The following PLEKHG4B variants were observed in gnomAD, a reference collection of about 807,000 sequenced individuals.
The protein encoded by PLEKHG4B is pleckstrin homology domain-containing family G member 4B.
PLEKHG4B carries 111 observed loss-of-function variants against 121.3 expected under a neutral mutation model. That is an observed-to-expected ratio of 0.92 (90% confidence interval 0.78 to 1.07). The LOEUF is 1.07. PLEKHG4B is among the 50% of genes least tolerant of loss of function. The pLI is 0.00. For missense variants in PLEKHG4B, 1,831 were observed against 1,757.8 expected (o/e 1.04, Z -0.74); for synonymous variants, 738 against 725.0 (o/e 1.02, Z -0.29).
chr5:109,743 A>G (rs1734082085), intron 1 of PLEKHG4B, among the ~76,000 whole-genome samples: 1 of 152,242 alleles, frequency 6.6e-6, no homozygotes, highest in African/African-American at 2.4e-5. Context: ...GGGTTTTCGG[A>G]CACCGTCTTC....
Position 157,122 on chromosome 5 carries a change from A to T in PLEKHG4B, c.2487+211A>T, listed in dbSNP as rs183700646. On this transcript the variant is annotated intron_variant, in intron 11 of 19. Coordinates refer to ENST00000637938, the MANE Select transcript of PLEKHG4B (RefSeq NM_052909.5). This position sits in a 1 kb window ranked among gnomAD's most constrained non-coding sequence, Gnocchi z 4.6. ...TGAGAGATACTGGATCAGTGGAGAA[A>T]AAAAATTTGTTTAATCCAGAGGAGG... 3 of 725,940 alleles carry T rather than the reference A, an allele frequency of 4.1e-6. No homozygotes were observed. The East Asian group carries it at 8.6e-5, about 21-fold the overall frequency. The allele number at this position is 725,940 out of a possible 1,614,324, so 45.0% of individuals were successfully genotyped here.
chr5:143,355 A>G, intron 4 of PLEKHG4B, 25 bp from the exon 5 acceptor site: 2 of 1,609,282 alleles, frequency 1.2e-6, no homozygotes, highest in Non-Finnish European at 1.7e-6. Flanking sequence ...AGCCCTTGGC[A>G]GCTGCCCTGT....
intron 11 of PLEKHG4B, 45 bp from the exon 12 acceptor site, chr5:161,738 G>A (rs184444479): frequency 2.2e-5 from 35 of 1,612,582 alleles, no homozygotes; most frequent in African/African-American, 2.0e-4. Context: ...AGACATGAAC[G>A]TGGAAGCACC....
At chr5:116,294 A>G (rs567482402) in intron 2 of PLEKHG4B, among the ~76,000 whole-genome samples, 1 of 152,336 alleles carries the variant, frequency 6.6e-6, no homozygotes, top group Admixed American at 6.5e-5. Flanking sequence ...TTATATTGGC[A>G]TGGTTCATGG....
At chr5:147,081 CAG>C (rs1735444630) in intron 6 of PLEKHG4B, among the ~76,000 whole-genome samples, 1 of 152,174 alleles carries the variant, frequency 6.6e-6, no homozygotes, top group Non-Finnish European at 1.5e-5. Flanking sequence ...GAGCAAGTGA[CAG>C]GGACCTTGGG....
At chr5:143,637 C>A in intron 5 of PLEKHG4B, 134 bp downstream of exon 5, 1 of 1,099,900 alleles carries the variant, frequency 9.1e-7, no homozygotes, top group Non-Finnish European at 1.3e-6. Context: ...TCTTTCAGAG[C>A]AGTCAGCACC....
At chr5:119,028 T>G (rs1734389438) in intron 2 of PLEKHG4B, among the ~76,000 whole-genome samples, 1 of 152,052 alleles carries the variant, frequency 6.6e-6, no homozygotes, top group African/African-American at 2.4e-5. Flanking sequence ...TTATTTTATT[T>G]TTAAAATTTT....
Position 182,191 on chromosome 5 carries a change from C to T in PLEKHG4B, c.4752C>T (p.His1584=). The T allele has an allele frequency of 2.5e-6, 4 of 1,613,968 alleles. No individual in the cohort carries two copies. Among genetic ancestry groups the T allele is most frequent in the Non-Finnish European group, 3.4e-6 (4 of 1,180,044 alleles). The part of the protein sequence containing the change: ...PAHPGLWSPA[H]SPWSSDIRAC... ...ACCCGGGCCTATGGAGCCCTGCCCACAGCCCCTGGTCATCTGATATCAGAG... is the reference window on the plus strand; with the variant it reads ...ACCCGGGCCTATGGAGCCCTGCCCATAGCCCCTGGTCATCTGATATCAGAG... Residue 1584 remains histidine (H), a synonymous_variant, in exon 20 of 20, where the codon CAC becomes CAT. Coordinates refer to ENST00000637938, the MANE Select transcript of PLEKHG4B (RefSeq NM_052909.5).
At position 181,526 on chromosome 5, in the gene PLEKHG4B, A is replaced by T. The variant is rs1395842929; in HGVS notation, c.4415A>T (p.Gln1472Leu). Residue 1472 changes from glutamine to leucine, a missense_variant, in exon 19 of 20, where the codon CAA becomes CTA. By Grantham distance (113) the Gln-to-Leu change is moderately radical (BLOSUM62 -2). Coordinates refer to ENST00000637938, the MANE Select transcript of PLEKHG4B (RefSeq NM_052909.5). The stretch of plus-strand genomic sequence containing the variant: ...TCTTCTGTCTTAGAACTCAGAATCC[A>T]AGAAATGGCATCCATGGGTATAGGC... The part of the protein sequence containing the change: ...QALKSRELRI[Q>L]EMASMGIGNQ... 3.1e-6 allele frequency: 5 copies of T among 1,613,702 alleles called. No individual in the cohort carries two copies. The highest frequency in any genetic ancestry group is 3.4e-6 in the Non-Finnish European group (4 of 1,179,886).
In PLEKHG4B at chr5:139,180, G is replaced by C. The variant is rs115210487; in HGVS notation, c.244-303G>C. The stretch of plus-strand genomic sequence containing the variant: ...GACAACTCATCCTTCGGAGCGCCTG[G>C]TGGGCTGTGGCTGTGGCCCTCGAGT... On this transcript the variant is annotated intron_variant, in intron 2 of 19. Coordinates refer to ENST00000637938, the MANE Select transcript of PLEKHG4B (RefSeq NM_052909.5). The surrounding 1 kb of genome is among the most constrained non-coding windows in gnomAD (Gnocchi z 5.0). Among the ~76,000 whole-genome samples, 1,256 of 152,306 alleles carry C rather than the reference G, an allele frequency of 8.2e-3. 10 individuals carry two copies. Among genetic ancestry groups the C allele is most frequent in the Non-Finnish European group, 0.011 (742 of 68,026 alleles).
intron 16 of PLEKHG4B, 63 bp from the exon 17 acceptor site, chr5:172,834 G>T: frequency 6.4e-7 from 1 of 1,566,486 alleles, no homozygotes; most frequent in South Asian, 1.1e-5. Context: ...CGGAGACAGT[G>T]ACCTGTGCCA....
chr5:143,025 A>G, intron 3 of PLEKHG4B, 22 bp from the exon 4 acceptor site: 2 of 1,607,492 alleles, frequency 1.2e-6, no homozygotes, highest in African/African-American at 1.3e-5. Context: ...CATCTTTGAC[A>G]CGGCCTCTTT....
rs924129753 is a variant in PLEKHG4B at position 113,286 on chromosome 5, G to A, written c.81G>A (p.Thr27=). ...LESLDACIQR[T]LSALYPPFEA... ...CTCTTGATGCCTGTATCCAGAGGAC[G>A]CTCTCTGCCTTGTACCCACCGTTTG... The change falls in exon 2 of 20, where the codon ACG becomes ACA. Residue 27 remains threonine (T), a synonymous_variant. Coordinates refer to ENST00000637938, the MANE Select transcript of PLEKHG4B (RefSeq NM_052909.5). This position sits in a 1 kb window ranked among gnomAD's most constrained non-coding sequence, Gnocchi z 5.2. 8 of 399,060 alleles carry A rather than the reference G, an allele frequency of 2.0e-5. No individual in the cohort carries two copies. Among genetic ancestry groups the A allele is most frequent in the African/African-American group, 1.0e-4 (5 of 48,732 alleles). The allele number at this position is 399,060 out of a possible 1,614,324, so 24.7% of individuals were successfully genotyped here.
intron 1 of PLEKHG4B, among the ~76,000 whole-genome samples, chr5:103,647 A>G (rs780812285): frequency 6.6e-6 from 1 of 152,232 alleles, no homozygotes; most frequent in East Asian, 1.9e-4. Context: ...TGATACATCT[A>G]TACAAAGTGC....
At chr5:93,825 G>C (rs543563961) in intron 1 of PLEKHG4B, among the ~76,000 whole-genome samples, 1 of 152,284 alleles carries the variant, frequency 6.6e-6, no homozygotes, top group African/African-American at 2.4e-5. Context: ...GGCTGAGGAA[G>C]TAATTTGCCC....
At chr5:129,123 T>A (rs987277088) in intron 2 of PLEKHG4B, among the ~76,000 whole-genome samples, 7 of 152,220 alleles carry the variant, frequency 4.6e-5, no homozygotes, top group Non-Finnish European at 5.9e-5. Flanking sequence ...AAATTGTCTC[T>A]TGTGGAGGAC....
intron 13 of PLEKHG4B, 138 bp from the exon 14 acceptor site, chr5:169,202 G>A (rs1736453101): frequency 8.4e-7 from 1 of 1,192,446 alleles, no homozygotes; most frequent in Non-Finnish European, 1.2e-6. Flanking sequence ...CATCCCACAT[G>A]TGCCCATGTG....
chr5:109,397 CAA>C (rs34972342), intron 1 of PLEKHG4B, among the ~76,000 whole-genome samples: 15 of 61,810 alleles, frequency 2.4e-4, no homozygotes, highest in African/African-American at 6.9e-4. Flanking sequence ...ACTCTGTCTC[CAA>C]AAAAAAAAAA....
intron 2 of PLEKHG4B, among the ~76,000 whole-genome samples, chr5:114,254 T>C (rs923861707): frequency 5.3e-5 from 8 of 152,150 alleles, no homozygotes; most frequent in African/African-American, 1.9e-4. Context: ...GTTTTCCACA[T>C]TGACTCTTCC....
Sources: allele counts gnomAD v4.1 joint callset (sites outside exome capture counted in the v4.1 genomes callset), GRCh38; gene constraint gnomAD v4.1.1; non-coding constraint Gnocchi (gnomAD v3.1); transcripts MANE v1.5; gene names NCBI Gene and HGNC (gene_info 2026-07-23, HGNC 2026-07-21).